The following LRRTM4 variants were observed in gnomAD, a reference collection of about 807,000 sequenced individuals.
The protein encoded by LRRTM4 is leucine rich repeat transmembrane neuronal 4.
LRRTM4 carries 25 observed loss-of-function variants against 47.6 expected under a neutral mutation model. That is an observed-to-expected ratio of 0.53 (90% CI 0.38 to 0.73). The LOEUF is 0.73. LRRTM4 is among the 30% of genes least tolerant of loss of function. The probability of loss-of-function intolerance (pLI) is 0.00; values close to 1 mark genes in which losing one functional copy is unlikely to be tolerated. For missense variants in LRRTM4, 638 were observed against 713.4 expected (o/e 0.89, Z 1.20); for synonymous variants, 311 against 269.5 (o/e 1.15, Z -1.51).
intron 3 of LRRTM4, among the ~76,000 whole-genome samples, chr2:77,483,803 A>C (rs7574067): frequency 6.6e-6 from 1 of 152,186 alleles, no homozygotes; most frequent in Non-Finnish European, 1.5e-5. Context: ...ATTAGATTTT[A>C]CTGCCACCAA....
chr2:77,076,368 C>T (rs1680336130), intron 3 of LRRTM4, among the ~76,000 whole-genome samples: 2 of 151,908 alleles, frequency 1.3e-5, no homozygotes, highest in Admixed American at 1.3e-4. Flanking sequence ...CAAATGAGTC[C>T]CTAATGGAAT....
At chr2:76,951,395 A>C (rs56880807) in intron 3 of LRRTM4, among the ~76,000 whole-genome samples, 130 of 152,098 alleles carry the variant, frequency 8.5e-4, no homozygotes, top group African/African-American at 3.0e-3. Context: ...TTCTTTTAAA[A>C]GATAATTACC....
At chr2:76,812,949 T>C (rs1299078884) in intron 3 of LRRTM4, among the ~76,000 whole-genome samples, 4 of 151,716 alleles carry the variant, frequency 2.6e-5, no homozygotes, top group Non-Finnish European at 5.9e-5. Flanking sequence ...CGTTTGCCCA[T>C]TTTCTCTAAA....
intron 3 of LRRTM4, among the ~76,000 whole-genome samples, chr2:76,842,899 C>T (rs909037022): frequency 6.6e-6 from 1 of 152,068 alleles, no homozygotes; most frequent in South Asian, 2.1e-4. Context: ...TGAGATCCAC[C>T]TATATTAGGA....
At chr2:77,033,374 A>G (rs900400925) in intron 3 of LRRTM4, among the ~76,000 whole-genome samples, 1 of 151,736 alleles carries the variant, frequency 6.6e-6, no homozygotes, top group Non-Finnish European at 1.5e-5. Context: ...AATGAAAGAC[A>G]TTTTCCATTA....
At chr2:76,929,954 TG>T (rs1674716239) in intron 3 of LRRTM4, among the ~76,000 whole-genome samples, 1 of 151,634 alleles carries the variant, frequency 6.6e-6, no homozygotes, top group Non-Finnish European at 1.5e-5. Flanking sequence ...TGTGTGTGTG[TG>T]TGTGTTTTAA....
chr2:77,097,957 TAAA>T (rs1437645170), intron 3 of LRRTM4, among the ~76,000 whole-genome samples: 2 of 151,758 alleles, frequency 1.3e-5, no homozygotes, highest in African/African-American at 4.8e-5. Flanking sequence ...AATAAAAAGA[TAAA>T]AATGATAAGG....
chr2:77,209,792 G>A lies in LRRTM4; in HGVS notation c.1551+308526C>T, dbSNP rs72913959. ...CACACATAGAAAATAGTTTTATCTG[G>A]CAAAAGCCATTAGGAGAAACTGTGA... On this transcript the variant is annotated intron_variant, in intron 3 of 3. Transcript: ENST00000409884. Among the ~76,000 whole-genome samples, 638 of 152,274 alleles carry A rather than the reference G, an allele frequency of 4.2e-3. 1 individual carries two copies. The highest frequency in any genetic ancestry group is 0.015 in the African/African-American group (607 of 41,558).
intron 3 of LRRTM4, among the ~76,000 whole-genome samples, chr2:76,906,012 C>T (rs1354379979): frequency 6.6e-6 from 1 of 152,012 alleles, no homozygotes; most frequent in African/African-American, 2.4e-5. Flanking sequence ...AAAGATACTC[C>T]TCGAGAAGAG....
At chr2:77,467,489 G>A (rs772242391) in intron 3 of LRRTM4, among the ~76,000 whole-genome samples, 3 of 152,052 alleles carry the variant, frequency 2.0e-5, no homozygotes, top group Admixed American at 6.6e-5. Context: ...ACTTCAGATG[G>A]CCCAATAGTA....
intron 3 of LRRTM4, among the ~76,000 whole-genome samples, chr2:76,963,962 T>A (rs1675943800): frequency 6.6e-6 from 1 of 151,044 alleles, no homozygotes; most frequent in African/African-American, 2.4e-5. Flanking sequence ...TGAATATTTT[T>A]ATGGCCTACT....
chr2:77,350,707 C>A (rs1401000380), intron 3 of LRRTM4, among the ~76,000 whole-genome samples: 3 of 152,034 alleles, frequency 2.0e-5, no homozygotes, highest in African/African-American at 7.2e-5. Flanking sequence ...TGTAAACAGA[C>A]TAAAACAGGA....
chr2:76,942,674 A>ATGTGTGTGTGTGTG (rs750604219), intron 3 of LRRTM4, among the ~76,000 whole-genome samples: 15,237 of 123,128 alleles, frequency 0.12, 892 homozygotes, highest in Non-Finnish European at 0.15. Context: ...ACCTCTAGGA[A>ATGTGTGTGTGTGTG]TCTGTGTGTG....
At chr2:77,360,394 T>C (rs1248085327) in intron 3 of LRRTM4, among the ~76,000 whole-genome samples, 1 of 151,940 alleles carries the variant, frequency 6.6e-6, no homozygotes, top group Non-Finnish European at 1.5e-5. Context: ...GAGGCGGAGC[T>C]TGCAGTGAGC....
At chr2:77,184,698 A>G (rs2103864575) in intron 3 of LRRTM4, among the ~76,000 whole-genome samples, 1 of 152,262 alleles carries the variant, frequency 6.6e-6, no homozygotes, top group South Asian at 2.1e-4. Context: ...AAACAAGCAC[A>G]ATTCAGAAAA....
chr2:77,189,616 A>G (rs1573055989), intron 3 of LRRTM4, among the ~76,000 whole-genome samples: 1 of 143,536 alleles, frequency 7.0e-6, no homozygotes, highest in South Asian at 2.2e-4. Context: ...CATCATCAGA[A>G]CCCAACCATG....
chr2:76,842,384 C>A (rs1450190245), intron 3 of LRRTM4, among the ~76,000 whole-genome samples: 3 of 152,138 alleles, frequency 2.0e-5, no homozygotes, highest in Non-Finnish European at 2.9e-5. Flanking sequence ...GCTTATAATA[C>A]ATGTTTTAAT....
In LRRTM4 at chr2:76,986,577, A is replaced by G. The variant is rs1676806244; in HGVS notation, c.1552-237661T>C. Reference sequence around the variant, plus strand: ...AACATTTTGGGGGCATGGTAATTACAAAGATTTATCTTGCTACTGAAATCT... The same window carrying G: ...AACATTTTGGGGGCATGGTAATTACGAAGATTTATCTTGCTACTGAAATCT... On this transcript the variant is annotated intron_variant, in intron 3 of 3. Transcript: ENST00000409884. Among the ~76,000 whole-genome samples the G allele has an allele frequency of 3.3e-5, 5 of 151,962 alleles. No homozygotes were observed. The Admixed American group carries it at 3.3e-4, about 10-fold the overall frequency.
intron 3 of LRRTM4, among the ~76,000 whole-genome samples, chr2:77,116,853 T>A (rs992526999): frequency 6.6e-6 from 1 of 152,130 alleles, no homozygotes; most frequent in Non-Finnish European, 1.5e-5. Context: ...TACAACTCAA[T>A]GATGTTGTAG....
Sources: allele counts gnomAD v4.1 joint callset (sites outside exome capture counted in the v4.1 genomes callset), GRCh38; gene constraint gnomAD v4.1.1; transcripts MANE v1.5; gene names NCBI Gene and HGNC (gene_info 2026-07-23, HGNC 2026-07-21).